The following POLN variants were observed in gnomAD, a reference collection of about 807,000 sequenced individuals.
POLN encodes DNA polymerase N.
Under a neutral mutation model 113.5 loss-of-function variants are expected in POLN, and 108 were observed. The ratio of observed to expected loss-of-function variants is 0.95; its 90% confidence interval spans 0.81 to 1.12. The LOEUF (loss-of-function observed/expected upper bound fraction) is 1.12. Ranked by LOEUF, POLN falls within the 50% of genes most tolerant of loss-of-function variation. The pLI is 0.00. For synonymous variants in POLN, 386 were observed against 391.5 expected, an observed-to-expected ratio of 0.99 and a Z score of 0.17; for missense variants, 1,097 against 1,077.1, an observed-to-expected ratio of 1.02 and a Z score of -0.26.
intron 19 of POLN, among the ~76,000 whole-genome samples, chr4:2,104,743 C>A (rs1051628528): frequency 6.6e-6 from 1 of 152,210 alleles, no homozygotes; most frequent in African/African-American, 2.4e-5. Flanking sequence ...AGTCAGACCA[C>A]GTGAAACATG....
chr4:2,212,989 G>A (rs571491523), intron 4 of POLN, 58 bp downstream of exon 4: 1 of 1,210,654 alleles, frequency 8.3e-7, no homozygotes, highest in East Asian at 2.4e-5. Flanking sequence ...CACTTAATAA[G>A]CATCTATTGA....
In POLN at chr4:2,241,186, C is replaced by G. The variant is rs1183393039; in HGVS notation, c.-13+334G>C. 9.9e-6 allele frequency: 4 copies of G among 404,978 alleles called. No homozygotes were observed. In the East Asian group the frequency reaches 1.8e-4, roughly 18 times the overall value. 25.1% of individuals were successfully genotyped at this position (404,978 alleles called of 1,614,324 possible). On this transcript the variant is annotated intron_variant, in intron 2 of 25. Transcript: ENST00000511885. The stretch of plus-strand genomic sequence containing the variant: ...ACAAATATCACATGATATCCGAGAG[C>G]GGGATAAATGACAGGTAGTCGTAGC...
chr4:2,233,609 C>T (rs1734657675), intron 2 of POLN, among the ~76,000 whole-genome samples: 1 of 152,102 alleles, frequency 6.6e-6, no homozygotes, highest in South Asian at 2.1e-4. Flanking sequence ...AAGAATTGAA[C>T]ATTGAAATGT....
At chr4:2,134,902 A>G (rs564522314) in intron 16 of POLN, among the ~76,000 whole-genome samples, 1 of 152,378 alleles carries the variant, frequency 6.6e-6, no homozygotes, top group African/African-American at 2.4e-5. Context: ...GTCAGTAATA[A>G]AAATTGAATA....
intron 16 of POLN, among the ~76,000 whole-genome samples, chr4:2,135,961 C>T (rs1731847447): frequency 6.6e-6 from 1 of 152,226 alleles, no homozygotes; most frequent in African/African-American, 2.4e-5. Context: ...GCTGGCCACC[C>T]AGGCCGAGAG....
chr4:2,150,776 G>A (rs1732273052), intron 16 of POLN, among the ~76,000 whole-genome samples: 1 of 152,122 alleles, frequency 6.6e-6, no homozygotes, highest in Non-Finnish European at 1.5e-5. Flanking sequence ...TGGGACAACT[G>A]GATGTCCACT....
intron 19 of POLN, among the ~76,000 whole-genome samples, chr4:2,110,721 C>T (rs977894620): frequency 6.6e-6 from 1 of 152,200 alleles, no homozygotes; most frequent in Non-Finnish European, 1.5e-5. Flanking sequence ...AGACCAATAA[C>T]AGGCTCTGAA....
Position 2,126,421 on chromosome 4 carries a change from C to T in POLN, c.1982+1692G>A, listed in dbSNP as rs1335707307. On this transcript the variant is annotated intron_variant, in intron 19 of 25. Transcript: ENST00000511885. The surrounding 1 kb of genome is among the most constrained non-coding windows in gnomAD (Gnocchi z 4.6). ...CTATACTATTCATTCATTTATTTGACAAATCCTTTGTGAGTCCCCACCCTT... is the reference window on the plus strand; with the variant it reads ...CTATACTATTCATTCATTTATTTGATAAATCCTTTGTGAGTCCCCACCCTT... Among the ~76,000 whole-genome samples, 1 of 152,210 alleles carries T rather than the reference C, an allele frequency of 6.6e-6. No individual in the cohort carries two copies. Among genetic ancestry groups the T allele is most frequent in the Non-Finnish European group, 1.5e-5 (1 of 68,038 alleles).
Position 2,129,184 on chromosome 4 carries a change from G to T in POLN, c.1862C>A (p.Ala621Glu). Residue 621 changes from alanine to glutamate, a missense_variant, in exon 18 of 26, where the codon GCA becomes GAA. Physicochemically the swap from Ala to Glu is moderately radical, Grantham distance 107 (BLOSUM62 -1). Transcript: ENST00000511885. ...AGCAAGCTACAGCAACGTACCTGCT[G>T]CTAGAAAGGTGTGGCCTTTGGATGA... ...FVSSKGHTFL[A>E]ADFSQIELRI... 2 of 1,584,428 alleles carry T rather than the reference G, an allele frequency of 1.3e-6. No individual in the cohort carries two copies. The highest frequency in any genetic ancestry group is 1.7e-6 in the Non-Finnish European group (2 of 1,153,198).
At chr4:2,141,387 G>A (rs1277379930) in intron 16 of POLN, among the ~76,000 whole-genome samples, 1 of 152,120 alleles carries the variant, frequency 6.6e-6, no homozygotes, top group Non-Finnish European at 1.5e-5. Flanking sequence ...GCTTCCCAAG[G>A]TGGTGTCTGG....
chr4:2,136,118 C>T (rs528837661), intron 16 of POLN, among the ~76,000 whole-genome samples: 6 of 152,322 alleles, frequency 3.9e-5, no homozygotes, highest in East Asian at 1.9e-4. Flanking sequence ...CCAGGTCCAA[C>T]GAATGTCCAG....
rs1233065190 is a variant in POLN, at chr4:2,072,180, A to T, written c.2637T>A (p.Ala879=). ...GGGTGCTGGCAGGGGACCCAGGGGC[A>T]GCCAGGCTGTTGCTGGGAGACTCAG... is the stretch of plus-strand genomic sequence containing the variant. The part of the protein sequence containing the change: ...CRTESPSNSL[A]APGSPASTQP... The change falls in exon 26 of 26, where the codon GCT becomes GCA. Residue 879 remains alanine (A), a synonymous_variant. Transcript: ENST00000511885. 9.3e-6 allele frequency: 15 copies of T among 1,611,478 alleles called. No homozygotes were observed. The highest frequency in any genetic ancestry group is 1.1e-5 in the Non-Finnish European group (13 of 1,178,796).
chr4:2,149,956 T>A (rs1422534633), intron 16 of POLN, among the ~76,000 whole-genome samples: 1 of 151,212 alleles, frequency 6.6e-6, no homozygotes, highest in Non-Finnish European at 1.5e-5. Context: ...GGTGGTGGGC[T>A]CCTGTAATCC....
intron 5 of POLN, among the ~76,000 whole-genome samples, chr4:2,207,020 T>G (rs1393055300): frequency 6.6e-6 from 1 of 151,732 alleles, no homozygotes; most frequent in African/African-American, 2.4e-5. Flanking sequence ...AATCAAGGAG[T>G]GAATAAAGAA....
chr4:2,173,088 G>A (rs1017502464), intron 11 of POLN, among the ~76,000 whole-genome samples: 4 of 152,198 alleles, frequency 2.6e-5, no homozygotes, highest in Non-Finnish European at 4.4e-5. Context: ...CTTAGGCTTT[G>A]AAGTGGGAAA....
chr4:2,132,209 C>A (rs899644776), intron 16 of POLN, among the ~76,000 whole-genome samples: 1 of 151,954 alleles, frequency 6.6e-6, no homozygotes, highest in Non-Finnish European at 1.5e-5. Context: ...AAAAAATACC[C>A]AATATTTACA....
At chr4:2,197,588 A>T (rs145041782) in intron 6 of POLN, among the ~76,000 whole-genome samples, 1 of 152,350 alleles carries the variant, frequency 6.6e-6, no homozygotes, top group African/African-American at 2.4e-5. Context: ...CAGAAACATC[A>T]TCCAGATATT....
intron 21 of POLN, among the ~76,000 whole-genome samples, chr4:2,083,877 CTT>C (rs1237391848): frequency 6.6e-6 from 1 of 152,256 alleles, no homozygotes; most frequent in Non-Finnish European, 1.5e-5. Flanking sequence ...AGCTGAAACA[CTT>C]TGTTTTTGAC....
rs184946118 is a variant in POLN, at chr4:2,223,905, G to A, written c.133+5194C>T. Among the ~76,000 whole-genome samples the A allele has an allele frequency of 2.1e-3, 321 of 152,294 alleles. 1 individual carries two copies. The highest frequency in any genetic ancestry group is 7.2e-3 in the African/African-American group (301 of 41,548). Reference sequence around the variant, plus strand: ...AAACCTTAGTGCATTACTGTACACTGATGTAGACTTCACAAACACTATACA... The same window carrying A: ...AAACCTTAGTGCATTACTGTACACTAATGTAGACTTCACAAACACTATACA... On this transcript the variant is annotated intron_variant, in intron 3 of 25. Transcript: ENST00000511885.
Sources: allele counts gnomAD v4.1 joint callset (sites outside exome capture counted in the v4.1 genomes callset), GRCh38; gene constraint gnomAD v4.1.1; non-coding constraint Gnocchi (gnomAD v3.1); transcripts MANE v1.5; gene names NCBI Gene and HGNC (gene_info 2026-07-23, HGNC 2026-07-21).